Variants in WDR7 observed in about 807,000 individuals in gnomAD.
WDR7 encodes the protein WD repeat domain 7.
WDR7 carries 46 observed loss-of-function variants against 169.4 expected under a neutral mutation model. The ratio of observed to expected loss-of-function variants is 0.27; its 90% CI spans 0.21 to 0.35. WDR7 has a LOEUF of 0.35. Among genes scored for constraint, WDR7 ranks in the 10% least tolerant of loss-of-function variants. The pLI, the probability that WDR7 is intolerant of heterozygous loss-of-function variation, is 1.00. For missense variants in WDR7, 1,534 were observed against 1,859.3 expected, an observed-to-expected ratio of 0.83 and a Z score of 3.22; for synonymous variants, 612 against 666.8, an observed-to-expected ratio of 0.92 and a Z score of 1.27.
chr18:56,915,513 T>C (rs1049098495), intron 21 of WDR7, among the ~76,000 whole-genome samples: 2 of 152,214 alleles, frequency 1.3e-5, no homozygotes, highest in Admixed American at 6.5e-5. Context: ...ATGACCTTTT[T>C]CCCCTTCTTC....
At chr18:56,887,167 G>A (rs1234048095) in intron 21 of WDR7, among the ~76,000 whole-genome samples, 2 of 152,104 alleles carry the variant, frequency 1.3e-5, no homozygotes, top group Non-Finnish European at 1.5e-5. Context: ...AGAAATCTTG[G>A]GAACTGAAGG....
intron 22 of WDR7, among the ~76,000 whole-genome samples, chr18:56,925,153 T>C (rs28375875): frequency 0.1 from 15,432 of 152,262 alleles, 2,511 homozygotes; most frequent in African/African-American, 0.34. Context: ...CATGGTTATA[T>C]CACATATAGT....
At chr18:56,852,887 T>A (rs2045663426) in intron 20 of WDR7, among the ~76,000 whole-genome samples, 1 of 152,198 alleles carries the variant, frequency 6.6e-6, no homozygotes, top group South Asian at 2.1e-4. Context: ...AAATATTCTT[T>A]AAGTGTTCTA....
rs961480224 is a variant in WDR7, at chr18:56,770,564, A to C, written c.2849-6218A>C. On this transcript the variant is annotated intron_variant, in intron 16 of 27. Transcript: ENST00000254442. ...AGTTATAGGCCAAGGTAAAATTTTC[A>C]TCACATCTGTGTTTATTGCACTTCT... is the stretch of plus-strand genomic sequence containing the variant. Among the ~76,000 whole-genome samples the C allele has an allele frequency of 1.3e-5, 2 of 152,364 alleles. 1 individual carries two copies. Among genetic ancestry groups the C allele is most frequent in the East Asian group, 3.9e-4 (2 of 5,188 alleles).
chr18:56,970,685 G>A (rs1386958893), intron 26 of WDR7, among the ~76,000 whole-genome samples: 1 of 152,128 alleles, frequency 6.6e-6, no homozygotes, highest in Non-Finnish European at 1.5e-5. Context: ...TTGTCACCAG[G>A]AGTACATTAG....
chr18:56,796,341 G>A (rs549051701), intron 19 of WDR7, among the ~76,000 whole-genome samples: 15 of 152,276 alleles, frequency 9.9e-5, no homozygotes, highest in Admixed American at 9.8e-4. Context: ...CCACTCAAGT[G>A]ATTGCATGAC....
intron 26 of WDR7, among the ~76,000 whole-genome samples, chr18:56,967,970 C>A (rs1261083317): frequency 6.6e-6 from 1 of 152,148 alleles, no homozygotes; most frequent in African/African-American, 2.4e-5. Flanking sequence ...ATCCATTTTG[C>A]CTCCAAATAT....
chr18:56,757,326 T>G lies in WDR7; in HGVS notation c.2733T>G (p.Gly911=). Residue 911 remains glycine (G), a synonymous_variant, in exon 15 of 28, where the codon GGT becomes GGG. Transcript: ENST00000254442. ...GTATGACCAATGCAACTTTTATTGG[T>G]GATCATATGAAGAAGGGTCCTACCA... ...LMSMTNATFI[G]DHMKKGPTRP... is the part of the protein sequence containing the mutation. 6.2e-7 allele frequency: 1 copy of G among 1,610,058 alleles called. No homozygotes were observed. The highest frequency in any genetic ancestry group is 8.5e-7 in the Non-Finnish European group (1 of 1,176,942).
chr18:56,672,953 T>G (rs1437768040), intron 2 of WDR7, among the ~76,000 whole-genome samples: 2 of 152,134 alleles, frequency 1.3e-5, no homozygotes, highest in African/African-American at 4.8e-5. Flanking sequence ...CTGAAGAAGG[T>G]TTTCCAAAGA....
chr18:56,667,980 C>G (rs1322175172), intron 1 of WDR7, among the ~76,000 whole-genome samples: 2 of 152,048 alleles, frequency 1.3e-5, no homozygotes, highest in Non-Finnish European at 2.9e-5. Context: ...CAGAGACGCC[C>G]CAGAAATAAG....
At chr18:56,679,969 A>G (rs2025321356) in intron 3 of WDR7, among the ~76,000 whole-genome samples, 1 of 152,226 alleles carries the variant, frequency 6.6e-6, no homozygotes, top group Non-Finnish European at 1.5e-5. Context: ...AAAGATTTAC[A>G]AACAGTTTTC....
chr18:57,027,965 T>C lies in WDR7; in HGVS notation c.*758T>C, dbSNP rs965836514. 2.0e-5 allele frequency: 3 copies of C among 152,228 alleles called. No individual in the cohort carries two copies. Among genetic ancestry groups the C allele is most frequent in the African/African-American group, 7.2e-5 (3 of 41,452 alleles). The allele number at this position is 152,228 out of a possible 1,614,324, so 9.4% of individuals were successfully genotyped here. A position where few individuals can be genotyped will look rare whatever the true frequency, so the allele number is the denominator to read the frequency against. The stretch of plus-strand genomic sequence containing the variant: ...TAATCACTCCCTATGATCTAGTTAA[T>C]GTAATTATCCAGTCACTGTAACTAA... On this transcript the variant is annotated 3_prime_UTR_variant, in exon 28 of 28. Coordinates refer to ENST00000254442, the MANE Select transcript of WDR7 (RefSeq NM_015285.3).
rs185305357 is a variant in WDR7, at chr18:56,783,669, C to T, written c.3190+2013C>T. Among the ~76,000 whole-genome samples the T allele has an allele frequency of 3.3e-5, 5 of 152,084 alleles. No homozygotes were observed. The East Asian group carries it at 9.7e-4, about 29-fold the overall frequency. ...TATTGCAGAAGGGAGGTTATGGGAA[C>T]CAGACCTAAATGTAGATAGGGTAGA... On this transcript the variant is annotated intron_variant, in intron 19 of 27. Coordinates refer to ENST00000254442, the MANE Select transcript of WDR7 (RefSeq NM_015285.3).
chr18:56,761,175 A>AT (rs1468470184), intron 16 of WDR7, among the ~76,000 whole-genome samples: 1 of 151,670 alleles, frequency 6.6e-6, no homozygotes, highest in Admixed American at 6.6e-5. Context: ...ATCCTGACTA[A>AT]TTTTTTCTAT....
intron 19 of WDR7, among the ~76,000 whole-genome samples, chr18:56,814,838 TGTC>T (rs1338512982): frequency 6.6e-6 from 1 of 152,174 alleles, no homozygotes; most frequent in African/African-American, 2.4e-5. Context: ...GTGGTGAGTT[TGTC>T]ATTTTTTATT....
At chr18:56,949,890 T>C (rs2047157364) in intron 25 of WDR7, among the ~76,000 whole-genome samples, 1 of 152,208 alleles carries the variant, frequency 6.6e-6, no homozygotes, top group Non-Finnish European at 1.5e-5. Context: ...GCTGATCTCC[T>C]CAAAAAAGTT....
chr18:56,710,718 G>A (rs538786065), intron 12 of WDR7, among the ~76,000 whole-genome samples: 1 of 152,190 alleles, frequency 6.6e-6, no homozygotes, highest in African/African-American at 2.4e-5. Flanking sequence ...TCTACTCTCA[G>A]CGCCCACTTC....
At chr18:57,003,024 A>T (rs1657407) in intron 26 of WDR7, among the ~76,000 whole-genome samples, 93,701 of 151,948 alleles carry the variant, frequency 0.62, 29,442 homozygotes, top group Middle Eastern at 0.72. Context: ...ATTTTATACA[A>T]CATTTATGTA....
chr18:56,683,187 C>A (rs2025382932), intron 5 of WDR7, among the ~76,000 whole-genome samples: 1 of 152,050 alleles, frequency 6.6e-6, no homozygotes, highest in Non-Finnish European at 1.5e-5. Context: ...CTGTATATTT[C>A]TGGGGCCTGG....
Sources: allele counts gnomAD v4.1 joint callset (sites outside exome capture counted in the v4.1 genomes callset), GRCh38; gene constraint gnomAD v4.1.1; transcripts MANE v1.5; gene names NCBI Gene and HGNC (gene_info 2026-07-23, HGNC 2026-07-21).